POLR1A: variants seen among roughly 807,000 people sequenced by gnomAD.
POLR1A encodes DNA-directed RNA polymerase I subunit RPA1.
A neutral mutation model predicts 205.3 loss-of-function variants in POLR1A; 84 were observed. The ratio of observed to expected loss-of-function variants is 0.41; its 90% CI spans 0.34 to 0.49. The LOEUF is 0.49. Ranked by LOEUF, POLR1A falls within the 20% of genes least tolerant of loss-of-function variation. POLR1A has a pLI of 0.22. For missense variants in POLR1A, 1,645 were observed against 2,204.5 expected, an observed-to-expected ratio of 0.75 and a Z score of 5.08; for synonymous variants, 799 against 863.7, an observed-to-expected ratio of 0.93 and a Z score of 1.31.
rs1049972495 is a variant in POLR1A at position 86,020,310 on chromosome 2, T to C, written c.*7113A>G. The C allele has an allele frequency of 1.3e-5, 2 of 152,108 alleles. No individual in the cohort carries two copies. The highest frequency in any genetic ancestry group is 4.8e-5 in the African/African-American group (2 of 41,400). 9.4% of individuals were successfully genotyped at this position (152,108 alleles called of 1,614,324 possible). A position where few individuals can be genotyped will look rare whatever the true frequency, so the allele number is the denominator to read the frequency against. On this transcript the variant is annotated 3_prime_UTR_variant, in exon 34 of 34. Transcript: ENST00000263857. ...GCTTACACCTGTAATCCCAGCACTTTGGAAGGTGAAGGCAGCAGATCGTGT... is the reference window on the plus strand; with the variant it reads ...GCTTACACCTGTAATCCCAGCACTTCGGAAGGTGAAGGCAGCAGATCGTGT...
At chr2:86,041,375 G>A (rs576000349) in intron 24 of POLR1A, among the ~76,000 whole-genome samples, 8 of 148,886 alleles carry the variant, frequency 5.4e-5, no homozygotes, top group Non-Finnish European at 9.0e-5. Flanking sequence ...GCGCGCGCGC[G>A]CTGAGCTACA....
chr2:86,093,987 C>A (rs976901655), intron 3 of POLR1A, among the ~76,000 whole-genome samples: 1 of 152,156 alleles, frequency 6.6e-6, no homozygotes, highest in Non-Finnish European at 1.5e-5. Context: ...CCCTCGATTG[C>A]GGGCATGTCT....
Position 86,021,828 on chromosome 2 carries a change from G to A in POLR1A, c.*5595C>T, listed in dbSNP as rs1011690564. 1.3e-5 allele frequency: 2 copies of A among 152,178 alleles called. No individual in the cohort carries two copies. The highest frequency in any genetic ancestry group is 2.9e-5 in the Non-Finnish European group (2 of 68,078). The allele number at this position is 152,178 out of a possible 1,614,324, so 9.4% of individuals were successfully genotyped here. ...GCTGGGACAAACCTCCCAGGCCATTGAGTCCAACTTGCGCGAAGATAGTCA... is the reference window on the plus strand; with the variant it reads ...GCTGGGACAAACCTCCCAGGCCATTAAGTCCAACTTGCGCGAAGATAGTCA... On this transcript the variant is annotated 3_prime_UTR_variant, in exon 34 of 34. Coordinates refer to ENST00000263857, the MANE Select transcript of POLR1A (RefSeq NM_015425.6).
At position 86,083,122 on chromosome 2, in the gene POLR1A, G is replaced by C. The variant is rs1673435264; in HGVS notation, c.777C>G (p.Thr259=). The C allele has an allele frequency of 1.2e-6, 2 of 1,614,096 alleles. No individual in the cohort carries two copies. The highest frequency in any genetic ancestry group is 1.7e-6 in the Non-Finnish European group (2 of 1,179,942). ...GGGCAGAAAGGTGTTCGCGGGCACTGGTGGGTGTTAAGTATCCTCGTTTTC... is the reference window on the plus strand; with the variant it reads ...GGGCAGAAAGGTGTTCGCGGGCACTCGTGGGTGTTAAGTATCCTCGTTTTC... ...QIGKRGYLTP[T]SAREHLSALW... Residue 259 remains threonine (T), a synonymous_variant, in exon 7 of 34, where the codon ACC becomes ACG. Coordinates refer to ENST00000263857, the MANE Select transcript of POLR1A (RefSeq NM_015425.6).
chr2:86,082,851 C>T (rs1004685419), intron 7 of POLR1A, among the ~76,000 whole-genome samples: 1 of 152,190 alleles, frequency 6.6e-6, no homozygotes, highest in Non-Finnish European at 1.5e-5. Context: ...GTTGTCATTT[C>T]ATAACCAGGC....
chr2:86,039,797 GCTC>G (rs921242657), intron 25 of POLR1A, among the ~76,000 whole-genome samples: 11 of 152,224 alleles, frequency 7.2e-5, no homozygotes, highest in Non-Finnish European at 1.5e-5. Context: ...CACCCACAGT[GCTC>G]CTGCTGAGCT....
At chr2:86,053,629 C>T (rs921799391) in intron 15 of POLR1A, among the ~76,000 whole-genome samples, 4 of 152,134 alleles carry the variant, frequency 2.6e-5, no homozygotes, top group African/African-American at 7.2e-5. Context: ...CTGGCAGTTT[C>T]GGGGTGAATG....
chr2:86,030,539 G>C (rs760253178), intron 30 of POLR1A, 143 bp from the exon 31 acceptor site: 7 of 631,296 alleles, frequency 1.1e-5, no homozygotes, highest in South Asian at 1.9e-5. Context: ...CAGGTAGTCT[G>C]AACATTGGAG....
intron 19 of POLR1A, among the ~76,000 whole-genome samples, chr2:86,046,817 A>T (rs1672717919): frequency 6.6e-6 from 1 of 152,118 alleles, no homozygotes; most frequent in Non-Finnish European, 1.5e-5. Context: ...TGACAGAGCA[A>T]GACTTCATCT....
intron 27 of POLR1A, among the ~76,000 whole-genome samples, chr2:86,036,136 C>T (rs1000980633): frequency 1.3e-5 from 2 of 152,194 alleles, no homozygotes; most frequent in Non-Finnish European, 2.9e-5. Flanking sequence ...TGACCCCTGG[C>T]GGTTTCTGAA....
chr2:86,029,145 A>C (rs916378268), intron 31 of POLR1A, among the ~76,000 whole-genome samples: 1 of 152,188 alleles, frequency 6.6e-6, no homozygotes, highest in Non-Finnish European at 1.5e-5. Flanking sequence ...GGCCTTACCA[A>C]GGGGCCAAGG....
intron 21 of POLR1A, among the ~76,000 whole-genome samples, chr2:86,044,781 G>C (rs1558766902): frequency 6.6e-6 from 1 of 152,206 alleles, no homozygotes; most frequent in Non-Finnish European, 1.5e-5. Context: ...TCCACTGGCG[G>C]CCTTTCTCCT....
At chr2:86,068,625 C>T (rs1397865302) in intron 13 of POLR1A, among the ~76,000 whole-genome samples, 11 of 152,192 alleles carry the variant, frequency 7.2e-5, no homozygotes, top group Admixed American at 7.2e-4. Flanking sequence ...CATAAAAAGC[C>T]ACTTTTCAAA....
At chr2:86,085,821 A>G (rs1024962774) in intron 6 of POLR1A, among the ~76,000 whole-genome samples, 1 of 152,200 alleles carries the variant, frequency 6.6e-6, no homozygotes, top group Non-Finnish European at 1.5e-5. Context: ...TCTTTCTTTC[A>G]GCTGTAAGAG....
chr2:86,031,093 T>C (rs1057019234), intron 30 of POLR1A, among the ~76,000 whole-genome samples: 2 of 152,210 alleles, frequency 1.3e-5, no homozygotes, highest in African/African-American at 4.8e-5. Flanking sequence ...GGGCCCTTTT[T>C]CGGGGCAGAG....
rs1350730674 is a variant in POLR1A, at chr2:86,025,185, A to G, written c.*2238T>C. ...ATGAAAAGTTTGTGAACCCCACCAGATGATCAATCTCCATTACATTTTGAT... is the reference window on the plus strand; with the variant it reads ...ATGAAAAGTTTGTGAACCCCACCAGGTGATCAATCTCCATTACATTTTGAT... On this transcript the variant is annotated 3_prime_UTR_variant, in exon 34 of 34. Transcript: ENST00000263857. 1 of 152,196 alleles carries G rather than the reference A, an allele frequency of 6.6e-6. No individual in the cohort carries two copies. Among genetic ancestry groups the G allele is most frequent in the African/African-American group, 2.4e-5 (1 of 41,444 alleles). The allele number at this position is 152,196 out of a possible 1,614,324, so 9.4% of individuals were successfully genotyped here.
Position 86,098,722 on chromosome 2 carries a change from G to C in POLR1A, c.321C>G (p.Cys107Trp). The part of the protein sequence containing the change: ...YLLLRGSCLN[C>W]HMLTCPRAVI... ...CGGCCCGGGGACAAGTCAGCATGTG[G>C]CAGTTTAAACAAGAGCCCCGAAGCA... The change falls in exon 3 of 34, where the codon TGC becomes TGG. Residue 107 changes from cysteine (C) to tryptophan (W), a missense_variant. By Grantham distance (215) the Cys-to-Trp change is radical. This residue lies in a region of POLR1A where 330 missense variants were observed against 375.6 expected (regional missense o/e 0.88). Coordinates refer to ENST00000263857, the MANE Select transcript of POLR1A (RefSeq NM_015425.6). 6.2e-7 allele frequency: 1 copy of C among 1,613,974 alleles called. No individual in the cohort carries two copies. The highest frequency in any genetic ancestry group is 8.5e-7 in the Non-Finnish European group (1 of 1,179,972).
chr2:86,078,344 GATTTA>G, intron 9 of POLR1A, 60 bp from the exon 10 acceptor site: 1 of 1,388,576 alleles, frequency 7.2e-7, no homozygotes. Flanking sequence ...GGCCTGGCTT[GATTTA>G]ATTTTTCTTT....
intron 29 of POLR1A, 37 bp downstream of exon 29, chr2:86,032,235 G>A: frequency 7.4e-7 from 1 of 1,353,730 alleles, no homozygotes; most frequent in Non-Finnish European, 1.1e-6. Context: ...AAGGGGGCTG[G>A]GACCACAGCT....
Sources: allele counts gnomAD v4.1 joint callset (sites outside exome capture counted in the v4.1 genomes callset), GRCh38; gene constraint gnomAD v4.1.1; regional missense constraint gnomAD v4.1.1; transcripts MANE v1.5; gene names NCBI Gene and HGNC (gene_info 2026-07-23, HGNC 2026-07-21).